Variants in SPRED1 observed in about 807,000 individuals in gnomAD.
SPRED1 encodes the protein sprouty-related, EVH1 domain-containing protein 1.
SPRED1 carries 18 observed loss-of-function variants against 52.3 expected under a neutral mutation model. That is an observed-to-expected ratio of 0.34 (90% CI 0.24 to 0.51). The LOEUF is 0.51. Among genes scored for constraint, SPRED1 ranks in the 20% least tolerant of loss-of-function variants. The pLI, the probability that SPRED1 is intolerant of heterozygous loss-of-function variation, is 0.97. For synonymous variants in SPRED1, 155 were observed against 179.7 expected (o/e 0.86, Z 1.10); for missense variants, 485 against 551.0 (o/e 0.88, Z 1.20).
At position 38,353,359 on chromosome 15, in the gene SPRED1, A is replaced by G. The variant is rs936931848; in HGVS notation, c.*1695A>G. ...AAATACTTTTTTTAAGAAAGCATTT[A>G]TATTTATATGACAGCTTGAACTGAC... On this transcript the variant is annotated 3_prime_UTR_variant, in exon 7 of 7. Coordinates refer to ENST00000299084, the MANE Select transcript of SPRED1 (RefSeq NM_152594.3). The G allele has an allele frequency of 6.6e-6, 1 of 152,540 alleles. No homozygotes were observed. The highest frequency in any genetic ancestry group is 2.4e-5 in the African/African-American group (1 of 41,440). The allele number at this position is 152,540 out of a possible 1,614,324, so 9.4% of individuals were successfully genotyped here.
chr15:38,275,200 T>C (rs1894523586), intron 1 of SPRED1, among the ~76,000 whole-genome samples: 1 of 152,218 alleles, frequency 6.6e-6, no homozygotes, highest in African/African-American at 2.4e-5. Context: ...ATTTAAGTAT[T>C]AGTATCAATT....
chr15:38,275,445 T>C (rs1894529042), intron 1 of SPRED1, among the ~76,000 whole-genome samples: 1 of 152,216 alleles, frequency 6.6e-6, no homozygotes, highest in African/African-American at 2.4e-5. Context: ...ATTTAGAAAC[T>C]ACTCTATGGG....
chr15:38,256,352 AT>A lies in SPRED1; in HGVS notation c.32+3137del, dbSNP rs1422531990. On this transcript the variant is annotated intron_variant, in intron 1 of 6. Transcript: ENST00000299084. ...TAGATATAACTGTACCATATTTTAC[AT>A]TATTGAATTAGCCTTCTAAATAGAG... Among the ~76,000 whole-genome samples, 8 of 152,260 alleles carry A rather than the reference AT, an allele frequency of 5.3e-5. No homozygotes were observed. In the East Asian group the frequency reaches 1.5e-3, roughly 29 times the overall value.
At chr15:38,310,381 TC>T (rs1440343813) in intron 2 of SPRED1, among the ~76,000 whole-genome samples, 1 of 152,148 alleles carries the variant, frequency 6.6e-6, no homozygotes, top group Non-Finnish European at 1.5e-5. Context: ...CCTCAGGTGA[TC>T]CACCCACCTC....
At chr15:38,296,016 TAG>T (rs1470285356) in intron 1 of SPRED1, among the ~76,000 whole-genome samples, 1 of 152,184 alleles carries the variant, frequency 6.6e-6, no homozygotes, top group East Asian at 1.9e-4. Flanking sequence ...AGTGTATGGT[TAG>T]AGTCTTTATG....
chr15:38,316,759 T>G (rs546731471), intron 2 of SPRED1, among the ~76,000 whole-genome samples: 2 of 144,956 alleles, frequency 1.4e-5, no homozygotes, highest in Admixed American at 6.9e-5. Context: ...TTTTTTTTTT[T>G]TTTTTTTTTT....
At chr15:38,347,529 T>C (rs1595761471) in intron 5 of SPRED1, among the ~76,000 whole-genome samples, 1 of 149,868 alleles carries the variant, frequency 6.7e-6, no homozygotes, top group Admixed American at 6.7e-5. Flanking sequence ...AATCAGCTTG[T>C]CAAATCTGAT....
chr15:38,281,427 C>G (rs1435919537), intron 1 of SPRED1, among the ~76,000 whole-genome samples: 1 of 152,134 alleles, frequency 6.6e-6, no homozygotes. Context: ...GAGTCTCTGT[C>G]TGTCACCCAG....
intron 1 of SPRED1, among the ~76,000 whole-genome samples, chr15:38,291,252 A>C (rs1315839126): frequency 3.3e-5 from 5 of 152,212 alleles, no homozygotes; most frequent in Non-Finnish European, 7.4e-5. Context: ...CTGATGCAAG[A>C]GGTAGGTTCC....
chr15:38,293,772 C>T (rs1360783191), intron 1 of SPRED1, among the ~76,000 whole-genome samples: 2 of 152,088 alleles, frequency 1.3e-5, no homozygotes, highest in Admixed American at 6.6e-5. Context: ...TTCTCTCTAT[C>T]GCTTATGTCT....
chr15:38,349,662 T>C (rs1888439384), intron 6 of SPRED1, 139 bp downstream of exon 6: 1 of 629,510 alleles, frequency 1.6e-6, no homozygotes, highest in Non-Finnish European at 2.8e-6. Flanking sequence ...GCCTATGTGC[T>C]TAAACGCTGT....
rs191618275 is a variant in SPRED1 at position 38,264,593 on chromosome 15, A to T, written c.32+11376A>T. On this transcript the variant is annotated intron_variant, in intron 1 of 6. Coordinates refer to ENST00000299084, the MANE Select transcript of SPRED1 (RefSeq NM_152594.3). The stretch of plus-strand genomic sequence containing the variant: ...TTTTAAAAAAGAGTGAACAGTATGG[A>T]TGTTTGGATAGCTAGGGTGGTATCA... Among the ~76,000 whole-genome samples, 3 of 152,182 alleles carry T rather than the reference A, an allele frequency of 2.0e-5. No individual in the cohort carries two copies. The East Asian group carries it at 5.8e-4, about 29-fold the overall frequency.
intron 1 of SPRED1, among the ~76,000 whole-genome samples, chr15:38,258,794 G>A (rs1894151973): frequency 6.6e-6 from 1 of 152,160 alleles, no homozygotes; most frequent in South Asian, 2.1e-4. Context: ...TAGAATTTAA[G>A]TGCTCATGTA....
In SPRED1 at chr15:38,351,747, A is replaced by G. The variant is rs1198646277; in HGVS notation, c.*83A>G. 9.9e-6 allele frequency: 15 copies of G among 1,508,538 alleles called. No individual in the cohort carries two copies. The highest frequency in any genetic ancestry group is 7.3e-5 in the Admixed American group (4 of 54,612). 93.4% of individuals were successfully genotyped at this position (1,508,538 alleles called of 1,614,324 possible). On this transcript the variant is annotated 3_prime_UTR_variant, in exon 7 of 7. Transcript: ENST00000299084. ...GATTTGTGGAAGCTTTTGGCAAGCAATATGGAATCTTGCCTGGTATCATTG... is the reference window on the plus strand; with the variant it reads ...GATTTGTGGAAGCTTTTGGCAAGCAGTATGGAATCTTGCCTGGTATCATTG...
chr15:38,306,690 C>T (rs1215585623), intron 2 of SPRED1, among the ~76,000 whole-genome samples: 2 of 152,130 alleles, frequency 1.3e-5, no homozygotes, highest in African/African-American at 4.8e-5. Context: ...TTCTCTTTCC[C>T]CGGAGCCTTG....
In SPRED1 at chr15:38,351,412, A is replaced by C; in HGVS notation, c.1083A>C (p.Arg361Ser). Residue 361 changes from arginine (R) to serine (S), a missense_variant, in exon 7 of 7, where the codon AGA becomes AGC. By Grantham distance (110) the Arg-to-Ser change is moderately radical (BLOSUM62 -1). Around this residue, in one of 5 missense-constraint regions of SPRED1, gnomAD observed 205 missense variants for 245.2 expected, o/e 0.84. Transcript: ENST00000299084. Reference sequence around the variant, plus strand: ...AGGATGCTCCAGACCCTATTAAAAGATGCATATATCAAGTTAGTTGCATGC... The same window carrying C: ...AGGATGCTCCAGACCCTATTAAAAGCTGCATATATCAAGTTAGTTGCATGC... ...KCQDAPDPIK[R>S]CIYQVSCMLC... 1 of 1,614,168 alleles carries C rather than the reference A, an allele frequency of 6.2e-7. No homozygotes were observed. The highest frequency in any genetic ancestry group is 1.1e-5 in the South Asian group (1 of 91,084).
In SPRED1 at chr15:38,350,808, G is replaced by A. The variant is rs12913526; in HGVS notation, c.685-206G>A. On this transcript the variant is annotated intron_variant, in intron 6 of 6. Transcript: ENST00000299084. ...CTTAGTTCTAGTAAAGCCTTCAACT[G>A]ATTTTATGAGGTCCGCCTATACCAC... Among the ~76,000 whole-genome samples, 125,270 of 152,130 alleles carry A rather than the reference G, an allele frequency of 0.82. 52,378 individuals carry two copies. The highest frequency in any genetic ancestry group is 0.9 in the Non-Finnish European group (60,972 of 68,012).
In SPRED1 at chr15:38,295,335, G is replaced by A. The variant is rs116786059; in HGVS notation, c.33-4038G>A. Among the ~76,000 whole-genome samples, 1,294 of 152,214 alleles carry A rather than the reference G, an allele frequency of 8.5e-3. 19 individuals carry two copies. The highest frequency in any genetic ancestry group is 0.029 in the African/African-American group (1,219 of 41,538). On this transcript the variant is annotated intron_variant, in intron 1 of 6. Transcript: ENST00000299084. ...GAAATTTATGAATTTGTGTTGGGCC[G>A]CATTCAAAGCCATCCTGGGCCACAG...
chr15:38,261,852 C>A (rs1400528985), intron 1 of SPRED1, among the ~76,000 whole-genome samples: 1 of 152,160 alleles, frequency 6.6e-6, no homozygotes, highest in African/African-American at 2.4e-5. Flanking sequence ...TTAATGACTT[C>A]TATATATTAG....
Sources: allele counts gnomAD v4.1 joint callset (sites outside exome capture counted in the v4.1 genomes callset), GRCh38; gene constraint gnomAD v4.1.1; regional missense constraint gnomAD v4.1.1; transcripts MANE v1.5; gene names NCBI Gene and HGNC (gene_info 2026-07-23, HGNC 2026-07-21).